HIPK2: variants seen among roughly 807,000 people sequenced by gnomAD.
HIPK2 encodes homeodomain-interacting protein kinase 2.
HIPK2 carries 27 observed loss-of-function variants against 113.7 expected under a neutral mutation model. That is an observed-to-expected ratio of 0.24 (90% confidence interval 0.17 to 0.33). The LOEUF (loss-of-function observed/expected upper bound fraction) is 0.33, where lower values mean the gene tolerates loss of function less well. HIPK2 is among the 10% of genes least tolerant of loss of function. The pLI is 1.00. For missense variants in HIPK2, 1,257 were observed against 1,588.0 expected (o/e 0.79, Z 3.54); for synonymous variants, 631 against 642.2 (o/e 0.98, Z 0.26).
chr7:139,597,106 C>T, intron 11 of HIPK2, 108 bp from the exon 12 acceptor site: 1 of 1,229,736 alleles, frequency 8.1e-7, no homozygotes, highest in Admixed American at 2.4e-5. Flanking sequence ...CTCTGTAAAA[C>T]ACGTCAGTGG....
chr7:139,596,696 G>C (rs1460896518), intron 12 of HIPK2, 21 bp downstream of exon 12: 1 of 1,605,394 alleles, frequency 6.2e-7, no homozygotes, highest in African/African-American at 1.3e-5. Flanking sequence ...TTCCTGGAAG[G>C]CTAAGGTGGC....
intron 2 of HIPK2, among the ~76,000 whole-genome samples, chr7:139,665,032 T>C (rs1430407433): frequency 9.4e-6 from 1 of 106,036 alleles, no homozygotes; most frequent in Admixed American, 9.9e-5. Context: ...CCTTCTTCTT[T>C]CTCTCTCTTT....
chr7:139,764,756 G>A (rs1289480394), intron 1 of HIPK2, among the ~76,000 whole-genome samples: 2 of 152,106 alleles, frequency 1.3e-5, no homozygotes, highest in Non-Finnish European at 2.9e-5. Flanking sequence ...ATGACAGCAG[G>A]GCCCAGGCCT....
chr7:139,731,601 T>C (rs1406642633), intron 1 of HIPK2, among the ~76,000 whole-genome samples: 2 of 152,200 alleles, frequency 1.3e-5, no homozygotes, highest in Non-Finnish European at 2.9e-5. Flanking sequence ...CTTGTACTCA[T>C]GTTTATGTAT....
intron 2 of HIPK2, among the ~76,000 whole-genome samples, chr7:139,684,027 T>C (rs578205460): frequency 8.5e-5 from 13 of 152,294 alleles, no homozygotes; most frequent in Middle Eastern, 3.4e-3. Flanking sequence ...GTACCATTTT[T>C]CCAAAAGCAT....
At chr7:139,632,141 T>G (rs1373117128) in intron 2 of HIPK2, among the ~76,000 whole-genome samples, 1 of 152,248 alleles carries the variant, frequency 6.6e-6, no homozygotes, top group African/African-American at 2.4e-5. Context: ...GGTCTTCTAT[T>G]TTCTTCTGTC....
At chr7:139,706,778 T>C (rs967917900) in intron 2 of HIPK2, among the ~76,000 whole-genome samples, 2 of 152,194 alleles carry the variant, frequency 1.3e-5, no homozygotes, top group Admixed American at 6.5e-5. Context: ...TATAAAGGCA[T>C]TTTCCTTTTA....
At chr7:139,732,413 C>A (rs923256631) in intron 1 of HIPK2, among the ~76,000 whole-genome samples, 2 of 152,214 alleles carry the variant, frequency 1.3e-5, no homozygotes, top group Non-Finnish European at 2.9e-5. Flanking sequence ...GGAGGAGGTG[C>A]CCACTCAGAT....
At chr7:139,754,130 C>A (rs1202188344) in intron 1 of HIPK2, among the ~76,000 whole-genome samples, 1 of 152,174 alleles carries the variant, frequency 6.6e-6, no homozygotes, top group African/African-American at 2.4e-5. Flanking sequence ...CCAAGAGACA[C>A]CCTTTGGAAG....
chr7:139,574,958 C>T (rs572425634), intron 14 of HIPK2, 170 bp downstream of exon 14: 1 of 379,212 alleles, frequency 2.6e-6, no homozygotes, highest in Non-Finnish European at 3.6e-6. Flanking sequence ...CCAAGGGTGA[C>T]CTGTGGTAGA....
intron 1 of HIPK2, among the ~76,000 whole-genome samples, chr7:139,729,372 A>G (rs932912301): frequency 1.2e-4 from 16 of 131,788 alleles, no homozygotes; most frequent in Non-Finnish European, 2.0e-4. Context: ...AGAGAGAGAG[A>G]GAGAGAGAGA....
chr7:139,659,258 A>G (rs1801782782), intron 2 of HIPK2, among the ~76,000 whole-genome samples: 2 of 152,060 alleles, frequency 1.3e-5, no homozygotes, highest in Admixed American at 6.5e-5. Flanking sequence ...TTTCCCTGCC[A>G]CGCATCACAA....
At chr7:139,730,485 C>T (rs534018725) in intron 1 of HIPK2, among the ~76,000 whole-genome samples, 20 of 152,082 alleles carry the variant, frequency 1.3e-4, no homozygotes, top group South Asian at 6.2e-4. Flanking sequence ...CTCAGCCTCC[C>T]GAGTAGTGGG....
chr7:139,665,175 C>T (rs540753101), intron 2 of HIPK2, among the ~76,000 whole-genome samples: 8 of 152,072 alleles, frequency 5.3e-5, no homozygotes, highest in Admixed American at 1.3e-4. Flanking sequence ...GTAGCGGGGA[C>T]TGCAGTTGCA....
At chr7:139,717,947 T>C (rs946196177) in intron 1 of HIPK2, among the ~76,000 whole-genome samples, 4 of 152,126 alleles carry the variant, frequency 2.6e-5, no homozygotes, top group South Asian at 4.1e-4. Flanking sequence ...TTTCACCATG[T>C]TGGCCAGCCT....
intron 6 of HIPK2, among the ~76,000 whole-genome samples, chr7:139,621,805 C>T (rs1800242069): frequency 1.3e-5 from 2 of 151,472 alleles, no homozygotes; most frequent in African/African-American, 4.9e-5. Context: ...TGCGCATGGT[C>T]CCAGCTACTT....
At chr7:139,611,207 C>T (rs1799805631) in intron 9 of HIPK2, among the ~76,000 whole-genome samples, 1 of 152,104 alleles carries the variant, frequency 6.6e-6, no homozygotes, top group Admixed American at 6.5e-5. Context: ...ATTTTATGAG[C>T]CTGGTGTAAC....
intron 1 of HIPK2, among the ~76,000 whole-genome samples, chr7:139,770,588 G>A (rs988598382): frequency 6.6e-6 from 1 of 152,336 alleles, no homozygotes; most frequent in East Asian, 1.9e-4. Context: ...AAGTGCTTTC[G>A]TAGTCAATGT....
At chr7:139,586,070 A>T (rs1452781654) in intron 12 of HIPK2, among the ~76,000 whole-genome samples, 2 of 152,216 alleles carry the variant, frequency 1.3e-5, no homozygotes, top group African/African-American at 4.8e-5. Flanking sequence ...GGATGTCACA[A>T]AGCCTCCGTG....
Sources: gnomAD v4.1 joint callset for allele counts (sites outside exome capture counted in the v4.1 genomes callset) on GRCh38, gnomAD v4.1.1 for gene constraint, MANE v1.5 for transcripts, NCBI Gene and HGNC (gene_info 2026-07-23, HGNC 2026-07-21) for gene names.